The following ANXA8 variants were observed in gnomAD, a reference collection of about 807,000 sequenced individuals.
ANXA8 encodes annexin A8.
ANXA8 carries 9 observed loss-of-function variants against 26.8 expected under a neutral mutation model. The observed-to-expected ratio is 0.34, with a 90% CI of 0.20 to 0.59. ANXA8 has a LOEUF of 0.59. Ranked by LOEUF, ANXA8 falls within the 20% of genes least tolerant of loss-of-function variation. The pLI, the probability that ANXA8 is intolerant of heterozygous loss-of-function variation, is 0.84. For missense variants in ANXA8, 83 were observed against 238.5 expected, an observed-to-expected ratio of 0.35 and a Z score of 4.29; for synonymous variants, 39 against 94.8, an observed-to-expected ratio of 0.41 and a Z score of 3.42.
the ANXA8 span, among the ~76,000 whole-genome samples, chr10:47,673,600 C>T: frequency 1.3e-5 from 2 of 151,418 alleles, no homozygotes; most frequent in African/African-American, 2.4e-5. Flanking sequence ...CAAGGAGAAT[C>T]TAGCAAACCA....
chr10:47,777,954 G>A, the ANXA8 span, among the ~76,000 whole-genome samples: 1 of 151,558 alleles, frequency 6.6e-6, no homozygotes, highest in African/African-American at 2.4e-5. Context: ...ACTTTTTGCA[G>A]GTGCAGGTTT....
chr10:47,959,915 A>T, the ANXA8 span, among the ~76,000 whole-genome samples: 1 of 151,426 alleles, frequency 6.6e-6, no homozygotes. Context: ...TGCTGTGAGA[A>T]GGCCCAAGCC....
chr10:47,592,196 T>C, the ANXA8 span, among the ~76,000 whole-genome samples: 1 of 147,174 alleles, frequency 6.8e-6, no homozygotes, highest in Non-Finnish European at 1.5e-5. Flanking sequence ...GAGATCCTAG[T>C]TACAGGAGTT....
intron 11 of ANXA8, among the ~76,000 whole-genome samples, chr10:47,470,030 C>T (rs1437622379): frequency 6.6e-6 from 1 of 151,588 alleles, no homozygotes; most frequent in East Asian, 1.9e-4. Flanking sequence ...GGGTGTGGGC[C>T]ACTACGCCTG....
At chr10:47,631,721 T>A in the ANXA8 span, among the ~76,000 whole-genome samples, 1 of 150,530 alleles carries the variant, frequency 6.6e-6, no homozygotes, top group Non-Finnish European at 1.5e-5. Context: ...TACCAAGTCA[T>A]GGCAATTTTT....
At chr10:47,565,603 G>A in the ANXA8 span, 1 of 301,888 alleles carries the variant, frequency 3.3e-6, no homozygotes, top group Non-Finnish European at 6.0e-6. Flanking sequence ...CCCACGGCCC[G>A]GCGCGCTACC....
the ANXA8 span, among the ~76,000 whole-genome samples, chr10:47,755,048 C>T: frequency 1.4e-5 from 2 of 145,188 alleles, no homozygotes; most frequent in Non-Finnish European, 3.0e-5. Context: ...CCTCTGCCTC[C>T]CGGGTTCAAG....
chr10:47,657,883 C>G, the ANXA8 span, among the ~76,000 whole-genome samples: 34 of 151,452 alleles, frequency 2.2e-4, 1 homozygote, highest in East Asian at 6.4e-3. Context: ...TATTTATTGG[C>G]TCACTTATTA....
the ANXA8 span, among the ~76,000 whole-genome samples, chr10:47,776,267 G>T: frequency 3.3e-5 from 5 of 150,070 alleles, no homozygotes; most frequent in Non-Finnish European, 7.4e-5. Context: ...TGAGACCAAA[G>T]CAGACATCCC....
At chr10:47,547,225 A>G in the ANXA8 span, among the ~76,000 whole-genome samples, 2 of 129,238 alleles carry the variant, frequency 1.5e-5, no homozygotes, top group African/African-American at 5.6e-5. Context: ...AGCAATCAAC[A>G]TAAGCTAGAC....
chr10:47,688,003 G>T, the ANXA8 span, among the ~76,000 whole-genome samples: 1 of 151,842 alleles, frequency 6.6e-6, no homozygotes, highest in Non-Finnish European at 1.5e-5. Flanking sequence ...GGTAGGTTGA[G>T]ACAGGAGAAT....
chr10:47,652,302 TAA>T, the ANXA8 span, among the ~76,000 whole-genome samples: 1 of 151,376 alleles, frequency 6.6e-6, no homozygotes, highest in Non-Finnish European at 1.5e-5. Context: ...TTATCTCAAT[TAA>T]AAAAAAGTAT....
the ANXA8 span, among the ~76,000 whole-genome samples, chr10:47,501,194 G>T: frequency 7.2e-6 from 1 of 139,090 alleles, no homozygotes; most frequent in Non-Finnish European, 1.5e-5. Flanking sequence ...GAGCCACCAC[G>T]CCTGGCCATT....
the ANXA8 span, among the ~76,000 whole-genome samples, chr10:47,683,374 G>A: frequency 2.6e-5 from 4 of 151,402 alleles, no homozygotes; most frequent in East Asian, 3.9e-4. Context: ...GACTACAGGC[G>A]CCCGCCACCA....
chr10:47,607,941 T>A, the ANXA8 span, among the ~76,000 whole-genome samples: 1 of 135,352 alleles, frequency 7.4e-6, no homozygotes, highest in African/African-American at 3.0e-5. Flanking sequence ...AACTGTTTAA[T>A]CTGTAAGTAC....
At chr10:47,952,362 T>G in the ANXA8 span, among the ~76,000 whole-genome samples, 126,878 of 148,250 alleles carry the variant, frequency 0.86, 53,776 homozygotes, top group African/African-American at 0.95. Context: ...TAATGTACTT[T>G]AAAATCCTAA....
At chr10:47,527,543 A>G in the ANXA8 span, among the ~76,000 whole-genome samples, 1 of 148,672 alleles carries the variant, frequency 6.7e-6, no homozygotes, top group African/African-American at 2.5e-5. Flanking sequence ...AGCACCTAGC[A>G]CAGTGCCTGT....
chr10:47,705,482 G>T, the ANXA8 span, among the ~76,000 whole-genome samples: 1 of 134,534 alleles, frequency 7.4e-6, no homozygotes, highest in South Asian at 2.6e-4. Flanking sequence ...GGGAAATGTA[G>T]ATATCTCTGG....
chr10:47,975,107 G>C, the ANXA8 span, among the ~76,000 whole-genome samples: 1 of 148,962 alleles, frequency 6.7e-6, no homozygotes, highest in African/African-American at 2.4e-5. Context: ...AGAAATCTCT[G>C]ATGGACTACA....
Sources: allele counts gnomAD v4.1 joint callset (sites outside exome capture counted in the v4.1 genomes callset), GRCh38; gene constraint gnomAD v4.1.1; transcripts MANE v1.5; gene names NCBI Gene and HGNC (gene_info 2026-07-23, HGNC 2026-07-21).